USP53: variants seen among roughly 807,000 people sequenced by gnomAD.
USP53 encodes ubiquitin specific peptidase 53.
A neutral mutation model predicts 94.9 loss-of-function variants in USP53; 71 were observed. That is an observed-to-expected ratio of 0.75 (90% confidence interval 0.62 to 0.91). USP53 has a LOEUF of 0.91. Ranked by LOEUF, USP53 falls within the 40% of genes least tolerant of loss-of-function variation. The pLI is 0.00. For missense variants in USP53, 1,173 were observed against 1,281.0 expected, an observed-to-expected ratio of 0.92 and a Z score of 1.29; for synonymous variants, 375 against 422.7, an observed-to-expected ratio of 0.89 and a Z score of 1.39.
intron 9 of USP53, among the ~76,000 whole-genome samples, 183 bp downstream of exon 9, chr4:119,256,706 A>T (rs1749819637): frequency 6.6e-6 from 1 of 152,204 alleles, no homozygotes; most frequent in African/African-American, 2.4e-5. Context: ...ATTTGGCCTA[A>T]TATATGTGTT....
At chr4:119,282,876 T>C (rs537905261) in intron 17 of USP53, among the ~76,000 whole-genome samples, 79 of 152,054 alleles carry the variant, frequency 5.2e-4, no homozygotes, top group Non-Finnish European at 9.4e-4. Context: ...AGAATCATTT[T>C]ATATCAATAG....
intron 7 of USP53, among the ~76,000 whole-genome samples, chr4:119,252,128 G>T (rs1031371358): frequency 6.6e-6 from 1 of 152,088 alleles, no homozygotes; most frequent in African/African-American, 2.4e-5. Context: ...TGCTGGATTC[G>T]GTTTGCCAGA....
chr4:119,222,389 G>A (rs972296), intron 3 of USP53, among the ~76,000 whole-genome samples: 10 of 152,240 alleles, frequency 6.6e-5, no homozygotes, highest in African/African-American at 2.2e-4. Context: ...TACTGAACAC[G>A]AGAACTTATT....
At chr4:119,279,272 G>T (rs1269642713) in intron 17 of USP53, among the ~76,000 whole-genome samples, 1 of 110,940 alleles carries the variant, frequency 9.0e-6, no homozygotes, top group Non-Finnish European at 1.8e-5. Context: ...TGTACAGATG[G>T]GTTTTTGGTG....
chr4:119,235,557 C>G (rs1001899466), intron 4 of USP53, 146 bp downstream of exon 4: 2 of 152,190 alleles, frequency 1.3e-5, no homozygotes, highest in Non-Finnish European at 2.9e-5. Flanking sequence ...GGATTACACA[C>G]GTGGACCACC....
rs1751453307 is a variant in USP53 at position 119,268,427 on chromosome 4, G to A, written c.1288+7G>A. ...GGTGTAGGGAAAGGACCAGGTATGTGTTTAAATTGTCATTTTTACATAGTT... is the reference window on the plus strand; with the variant it reads ...GGTGTAGGGAAAGGACCAGGTATGTATTTAAATTGTCATTTTTACATAGTT... On this transcript the variant is annotated splice_region_variant and intron_variant, in intron 14 of 18. Transcript: ENST00000692078. 1 of 1,596,986 alleles carries A rather than the reference G, an allele frequency of 6.3e-7. No individual in the cohort carries two copies. Among genetic ancestry groups the A allele is most frequent in the African/African-American group, 1.3e-5 (1 of 74,086 alleles).
In USP53 at chr4:119,294,140, C is replaced by T. The variant is rs1578595113; in HGVS notation, c.*929C>T. 1 of 151,854 alleles carries T rather than the reference C, an allele frequency of 6.6e-6. No individual in the cohort carries two copies. Among genetic ancestry groups the T allele is most frequent in the African/African-American group, 2.4e-5 (1 of 41,360 alleles). 9.4% of individuals were successfully genotyped at this position (151,854 alleles called of 1,614,324 possible). On this transcript the variant is annotated 3_prime_UTR_variant, in exon 19 of 19. Coordinates refer to ENST00000692078, the MANE Select transcript of USP53 (RefSeq NM_001371395.1). ...TGGTTTACTTTGGGCTGCTAACCAC[C>T]AGTGTTAGGAATTAATGTAGGGCAC...
intron 7 of USP53, among the ~76,000 whole-genome samples, chr4:119,251,069 C>G (rs774991124): frequency 3.3e-5 from 5 of 151,426 alleles, no homozygotes; most frequent in African/African-American, 1.2e-4. Flanking sequence ...CCCCACCCCC[C>G]ACAGGCCTCA....
At chr4:119,250,291 G>A (rs955608237) in intron 7 of USP53, among the ~76,000 whole-genome samples, 1 of 152,068 alleles carries the variant, frequency 6.6e-6, no homozygotes, top group Non-Finnish European at 1.5e-5. Flanking sequence ...CTAAGTCTAT[G>A]CCTACCAGAT....
intron 13 of USP53, among the ~76,000 whole-genome samples, 172 bp from the exon 14 acceptor site, chr4:119,268,096 G>A (rs1454923537): frequency 6.6e-6 from 1 of 151,718 alleles, no homozygotes; most frequent in African/African-American, 2.4e-5. Context: ...GAACCCGGGA[G>A]GCGGAGCTTG....
intron 3 of USP53, among the ~76,000 whole-genome samples, chr4:119,223,348 G>A (rs1744805184): frequency 1.3e-5 from 2 of 152,156 alleles, no homozygotes; most frequent in Non-Finnish European, 2.9e-5. Context: ...AACTACAGAC[G>A]AATCGTTAGC....
intron 12 of USP53, among the ~76,000 whole-genome samples, chr4:119,263,410 A>G (rs1160256591): frequency 6.6e-6 from 1 of 152,176 alleles, no homozygotes; most frequent in African/African-American, 2.4e-5. Flanking sequence ...GAGTTCAGGG[A>G]GGCCTAGATG....
At position 119,292,820 on chromosome 4, in the gene USP53, C is replaced by T. The variant is rs1754912819; in HGVS notation, c.2831C>T (p.Pro944Leu). 1 of 1,613,954 alleles carries T rather than the reference C, an allele frequency of 6.2e-7. No individual in the cohort carries two copies. The change falls in exon 19 of 19, where the codon CCT (proline) becomes CTT (leucine). Residue 944 changes from proline to leucine, a missense_variant. Coordinates refer to ENST00000692078, the MANE Select transcript of USP53 (RefSeq NM_001371395.1). ...CAGTCAGAGAAAAGCGAATCTACAC[C>T]TGATGTCAAACTTACAGAGGTGTTT... ...VPQSEKSEST[P>L]DVKLTEVFKA...
Position 119,239,922 on chromosome 4 carries a change from A to C in USP53, c.144+19A>C. 1 of 1,411,828 alleles carries C rather than the reference A, an allele frequency of 7.1e-7. No individual in the cohort carries two copies. Among genetic ancestry groups the C allele is most frequent in the South Asian group, 1.8e-5 (1 of 54,778 alleles). 87.5% of individuals were successfully genotyped at this position (1,411,828 alleles called of 1,614,324 possible). On this transcript the variant is annotated intron_variant, in intron 5 of 18. Coordinates refer to ENST00000692078, the MANE Select transcript of USP53 (RefSeq NM_001371395.1). ...TGTACAGGTGAGACCATAATTACTTATTACATTAAAAAAAATACTTTTCAG... is the reference window on the plus strand; with the variant it reads ...TGTACAGGTGAGACCATAATTACTTCTTACATTAAAAAAAATACTTTTCAG...
At chr4:119,227,299 A>ACACACACAC (rs1491380548) in intron 3 of USP53, among the ~76,000 whole-genome samples, 32 of 145,766 alleles carry the variant, frequency 2.2e-4, no homozygotes, top group Non-Finnish European at 2.9e-4. Flanking sequence ...ACACACACAC[A>ACACACACAC]AACTTGAAAT....
intron 7 of USP53, among the ~76,000 whole-genome samples, chr4:119,253,031 T>C (rs1442219516): frequency 1.3e-5 from 2 of 152,164 alleles, no homozygotes; most frequent in Non-Finnish European, 2.9e-5. Flanking sequence ...ATTTTCCATC[T>C]AGTTGTGCGT....
intron 17 of USP53, among the ~76,000 whole-genome samples, chr4:119,287,676 A>G (rs1458007565): frequency 6.6e-6 from 1 of 152,188 alleles, no homozygotes; most frequent in Non-Finnish European, 1.5e-5. Context: ...CTTACTAGAA[A>G]TGTTACAGAA....
At chr4:119,227,723 A>G (rs368238072) in intron 3 of USP53, among the ~76,000 whole-genome samples, 2 of 152,218 alleles carry the variant, frequency 1.3e-5, no homozygotes, top group Non-Finnish European at 2.9e-5. Context: ...TTACAATACA[A>G]CCTAGCAGTC....
intron 5 of USP53, among the ~76,000 whole-genome samples, chr4:119,241,773 TTTG>T (rs762127154): frequency 1.3e-5 from 2 of 152,122 alleles, no homozygotes; most frequent in Non-Finnish European, 2.9e-5. Context: ...TTGGAAACAC[TTTG>T]TTATTTCTTC....
Sources: allele counts gnomAD v4.1 joint callset (sites outside exome capture counted in the v4.1 genomes callset), GRCh38; gene constraint gnomAD v4.1.1; transcripts MANE v1.5; gene names NCBI Gene and HGNC (gene_info 2026-07-23, HGNC 2026-07-21).